The following AP1M2 variants were observed in gnomAD, a reference collection of about 807,000 sequenced individuals.
AP1M2 encodes AP-1 complex subunit mu-2.
AP1M2 carries 41 observed loss-of-function variants against 54.6 expected under a neutral mutation model. The ratio of observed to expected loss-of-function variants is 0.75; its 90% CI spans 0.59 to 0.97. The LOEUF (loss-of-function observed/expected upper bound fraction) is 0.97, where lower values mean the gene tolerates loss of function less well. Ranked by LOEUF, AP1M2 falls within the 50% of genes least tolerant of loss-of-function variation. The probability of loss-of-function intolerance (pLI) is 0.00; values close to 1 mark genes in which losing one functional copy is unlikely to be tolerated. For synonymous variants in AP1M2, 219 were observed against 215.9 expected, an observed-to-expected ratio of 1.01 and a Z score of -0.13; for missense variants, 507 against 561.2, an observed-to-expected ratio of 0.90 and a Z score of 0.98.
chr19:10,577,074 T>G, intron 9 of AP1M2, 124 bp downstream of exon 9: 21 of 1,091,576 alleles, frequency 1.9e-5, no homozygotes, highest in Non-Finnish European at 2.8e-5. Flanking sequence ...ATTCCAGTCA[T>G]GAGCCATCAC....
At chr19:10,577,493 G>A (rs1369428069) in intron 8 of AP1M2, 137 bp from the exon 9 acceptor site, 1 of 935,716 alleles carries the variant, frequency 1.1e-6, no homozygotes. Context: ...GAGTGCAGTG[G>A]CGCGATCTCG....
At chr19:10,574,636 G>C (rs1219586225) in intron 10 of AP1M2, 144 bp from the exon 11 acceptor site, 1 of 790,572 alleles carries the variant, frequency 1.3e-6, no homozygotes, top group Admixed American at 2.8e-5. Flanking sequence ...GGGGGATGAG[G>C]TGGCACAGGC....
intron 9 of AP1M2, 24 bp from the exon 10 acceptor site, chr19:10,575,053 G>C: frequency 6.9e-7 from 1 of 1,458,036 alleles, no homozygotes; most frequent in Non-Finnish European, 9.1e-7. Context: ...GGGGCATCAG[G>C]TACACGAGGG....
Position 10,582,052 on chromosome 19 carries a change from C to CT in AP1M2, c.268-175dup, listed in dbSNP as rs928990190. 4.4e-4 allele frequency among the ~76,000 whole-genome samples: 66 copies of CT among 148,658 alleles called. 1 individual carries two copies. The highest frequency in any genetic ancestry group is 1.4e-3 in the African/African-American group (56 of 40,540). ...ACCCCTATCTCGTTTTTTCTTTTTT[C>CT]TTTTTTTTTTCGAGACAGTCTCGCA... On this transcript the variant is annotated intron_variant, in intron 3 of 11. Transcript: ENST00000250244.
At chr19:10,581,235 T>G in intron 6 of AP1M2, 31 bp downstream of exon 6, 1 of 1,590,732 alleles carries the variant, frequency 6.3e-7, no homozygotes, top group Non-Finnish European at 8.6e-7. Flanking sequence ...CCCTGTGCAT[T>G]TCTCAGAAGA....
chr19:10,579,008 C>A, intron 7 of AP1M2, 45 bp from the exon 8 acceptor site: 22 of 1,142,284 alleles, frequency 1.9e-5, no homozygotes, highest in African/African-American at 3.2e-5. Context: ...TCCATGTTGA[C>A]TCTCTTCTTT....
chr19:10,587,257 C>A lies in AP1M2; in HGVS notation c.-26G>T. 6.4e-7 allele frequency: 1 copy of A among 1,559,150 alleles called. No individual in the cohort carries two copies. On this transcript the variant is annotated 5_prime_UTR_variant, in exon 1 of 12. Coordinates refer to ENST00000250244, the MANE Select transcript of AP1M2 (RefSeq NM_005498.5). ...GGTGGCGGCCGAAGGACTTAGGAGT[C>A]GGGGAGGGAGCGCCGGGAGGCGATG...
intron 10 of AP1M2, 95 bp from the exon 11 acceptor site, chr19:10,574,587 C>T: frequency 9.0e-7 from 1 of 1,116,194 alleles, no homozygotes; most frequent in Non-Finnish European, 1.3e-6. Context: ...GGCTATGTGG[C>T]ACAGGCTGGG....
chr19:10,577,160 C>T, intron 9 of AP1M2, 38 bp downstream of exon 9: 5 of 1,576,094 alleles, frequency 3.2e-6, no homozygotes, highest in Non-Finnish European at 4.3e-6. Flanking sequence ...CTCCAGTCCC[C>T]TCCACCCCCA....
chr19:10,575,433 C>T (rs916277387), intron 9 of AP1M2, among the ~76,000 whole-genome samples: 4 of 152,254 alleles, frequency 2.6e-5, no homozygotes, highest in East Asian at 3.9e-4. Context: ...TGATCCACCT[C>T]TCCCAAGATC....
rs772702333 is a variant in AP1M2, at chr19:10,584,005, C to T, written c.108G>A (p.Leu36=). Residue 36 remains leucine (L), a synonymous_variant, in exon 2 of 12, where the codon TTG becomes TTA. Transcript: ENST00000250244. The part of the protein sequence containing the change: ...AMSKIEHFMP[L]LVQREEEGAL... ...CGCCTTCCTCCTCCCGCTGTACCAG[C>T]AAAGGCATGAAGTGCTCAATCTTGC... The T allele has an allele frequency of 6.2e-6, 10 of 1,609,656 alleles. No individual in the cohort carries two copies. The South Asian group carries it at 1.1e-4, about 18-fold the overall frequency.
intron 2 of AP1M2, 48 bp from the exon 3 acceptor site, chr19:10,583,721 T>C (rs1362562728): frequency 6.3e-7 from 1 of 1,578,918 alleles, no homozygotes; most frequent in Admixed American, 1.7e-5. Context: ...GAGAAGTAAA[T>C]GGAATACAGA....
At chr19:10,575,085 T>G in intron 9 of AP1M2, 56 bp from the exon 10 acceptor site, 1 of 1,412,732 alleles carries the variant, frequency 7.1e-7, no homozygotes, top group Non-Finnish European at 9.3e-7. Context: ...TCCCGAGACC[T>G]TCCTTTCAGC....
chr19:10,581,159 G>A (rs1029037303), intron 6 of AP1M2, 107 bp downstream of exon 6: 1 of 1,453,430 alleles, frequency 6.9e-7, no homozygotes, highest in African/African-American at 1.4e-5. Context: ...CAGATGGTGA[G>A]CGAGCGCTTA....
At chr19:10,584,460 G>C (rs994907027) in intron 1 of AP1M2, among the ~76,000 whole-genome samples, 2 of 152,126 alleles carry the variant, frequency 1.3e-5, no homozygotes, top group African/African-American at 4.8e-5. Context: ...TGTATCTATA[G>C]TCCCAGCTAC....
intron 3 of AP1M2, 52 bp downstream of exon 3, chr19:10,583,554 G>T: frequency 1.5e-6 from 2 of 1,379,176 alleles, no homozygotes; most frequent in Middle Eastern, 3.7e-4. Flanking sequence ...AAAGAGGCGG[G>T]CAAGAGGGAT....
At chr19:10,573,602 T>C (rs1917127186) in intron 11 of AP1M2, among the ~76,000 whole-genome samples, 1 of 151,514 alleles carries the variant, frequency 6.6e-6, no homozygotes, top group South Asian at 2.1e-4. Context: ...TTCAGCCCCT[T>C]CTCCAAACTC....
chr19:10,587,288 G>T lies in AP1M2; in HGVS notation c.-57C>A. 6.5e-7 allele frequency: 1 copy of T among 1,546,928 alleles called. No homozygotes were observed. Among genetic ancestry groups the T allele is most frequent in the South Asian group, 1.2e-5 (1 of 83,760 alleles). On this transcript the variant is annotated 5_prime_UTR_variant, in exon 1 of 12. Coordinates refer to ENST00000250244, the MANE Select transcript of AP1M2 (RefSeq NM_005498.5). ...GGGAGCGCCGGGAGGCGATGGCGGC[G>T]CCGCTTCCTTCTTCCTGCGGAAGCG... is the stretch of plus-strand genomic sequence containing the variant.
At chr19:10,575,212 T>G (rs1259450281) in intron 9 of AP1M2, among the ~76,000 whole-genome samples, 183 bp from the exon 10 acceptor site, 1 of 151,968 alleles carries the variant, frequency 6.6e-6, no homozygotes. Context: ...ATTAGCTGGG[T>G]GCGGTGGAAC....
Sources: allele counts gnomAD v4.1 joint callset (sites outside exome capture counted in the v4.1 genomes callset), GRCh38; gene constraint gnomAD v4.1.1; transcripts MANE v1.5; gene names NCBI Gene and HGNC (gene_info 2026-07-23, HGNC 2026-07-21).